Variants in ADGRL3 observed in about 807,000 individuals in gnomAD.
ADGRL3 encodes calcium-independent alpha-latrotoxin receptor 3.
ADGRL3 carries 62 observed loss-of-function variants against 153.5 expected under a neutral mutation model. That is an observed-to-expected ratio of 0.40 (90% CI 0.33 to 0.50). The LOEUF (loss-of-function observed/expected upper bound fraction) is 0.50. ADGRL3 is among the 20% of genes least tolerant of loss of function. The pLI is 0.47. For missense variants in ADGRL3, 1,641 were observed against 1,859.4 expected (o/e 0.88, Z 2.16); for synonymous variants, 710 against 672.5 (o/e 1.06, Z -0.86).
chr4:61,735,928 G>A (rs933326158), intron 8 of ADGRL3, among the ~76,000 whole-genome samples: 1 of 151,916 alleles, frequency 6.6e-6, no homozygotes, highest in Non-Finnish European at 1.5e-5. Context: ...TGTCTTTAAC[G>A]AATAAGATGG....
chr4:61,969,472 T>C (rs1000888486), intron 17 of ADGRL3, among the ~76,000 whole-genome samples: 3 of 152,136 alleles, frequency 2.0e-5, no homozygotes, highest in Admixed American at 6.6e-5. Context: ...TCTAGATCCA[T>C]GGATCGTTCT....
At chr4:61,725,456 G>A (rs1052635886) in intron 6 of ADGRL3, among the ~76,000 whole-genome samples, 1 of 151,936 alleles carries the variant, frequency 6.6e-6, no homozygotes, top group African/African-American at 2.4e-5. Context: ...TTAGCCAGGC[G>A]TGGTGGCAGG....
intron 6 of ADGRL3, among the ~76,000 whole-genome samples, chr4:61,692,252 A>T (rs1380916751): frequency 6.6e-6 from 1 of 152,122 alleles, no homozygotes; most frequent in African/African-American, 2.4e-5. Flanking sequence ...CATAAGGAAC[A>T]TAGAAAAAGA....
Position 61,627,638 on chromosome 4 carries a change from TAAAG to T in ADGRL3, c.473+40202_473+40205del, listed in dbSNP as rs1255574336. On this transcript the variant is annotated intron_variant, in intron 5 of 26. Transcript: ENST00000683033. ...TCAATCTAAAAAACAAACAAACAAA[TAAAG>T]AAACACAAACAAACAAAAAAGTAAA... is the stretch of plus-strand genomic sequence containing the variant. Among the ~76,000 whole-genome samples, 22 of 150,146 alleles carry T rather than the reference TAAAG, an allele frequency of 1.5e-4. 1 individual carries two copies. The highest frequency in any genetic ancestry group is 5.5e-4 in the African/African-American group (22 of 39,874).
At chr4:61,984,284 A>G (rs1225292607) in intron 19 of ADGRL3, among the ~76,000 whole-genome samples, 1 of 152,192 alleles carries the variant, frequency 6.6e-6, no homozygotes, top group Non-Finnish European at 1.5e-5. Context: ...GAATAATCAT[A>G]TTTAGAACTA....
intron 2 of ADGRL3, among the ~76,000 whole-genome samples, chr4:61,487,209 C>T (rs1054263437): frequency 6.6e-6 from 1 of 152,100 alleles, no homozygotes; most frequent in Non-Finnish European, 1.5e-5. Flanking sequence ...AAAACACAAA[C>T]CTTGGGTCTA....
intron 1 of ADGRL3, among the ~76,000 whole-genome samples, chr4:61,292,985 C>T (rs2094280592): frequency 6.6e-6 from 1 of 152,124 alleles, no homozygotes; most frequent in Non-Finnish European, 1.5e-5. Context: ...AAAGGGATTT[C>T]ACAGACCATT....
chr4:61,693,404 A>G (rs1198131172), intron 6 of ADGRL3, among the ~76,000 whole-genome samples: 3 of 152,096 alleles, frequency 2.0e-5, no homozygotes, highest in Middle Eastern at 3.2e-3. Flanking sequence ...ACAGCATGCC[A>G]GAACTCTAAC....
At chr4:61,235,801 T>C (rs1426784927) in intron 1 of ADGRL3, among the ~76,000 whole-genome samples, 2 of 152,146 alleles carry the variant, frequency 1.3e-5, no homozygotes, top group African/African-American at 4.8e-5. Flanking sequence ...TTGACTTCTC[T>C]GAAGCCAGCT....
At chr4:61,776,406 A>C (rs955364115) in intron 8 of ADGRL3, among the ~76,000 whole-genome samples, 1 of 152,114 alleles carries the variant, frequency 6.6e-6, no homozygotes, top group Non-Finnish European at 1.5e-5. Context: ...AAGATTTATA[A>C]AAGTTTTAAA....
chr4:61,470,622 A>T (rs574794312), intron 2 of ADGRL3, among the ~76,000 whole-genome samples: 10 of 152,080 alleles, frequency 6.6e-5, no homozygotes, highest in Non-Finnish European at 1.5e-4. Context: ...TTTCTATATT[A>T]AAAGGTAGTA....
intron 21 of ADGRL3, among the ~76,000 whole-genome samples, chr4:62,003,652 C>A (rs777543918): frequency 6.6e-6 from 1 of 152,072 alleles, no homozygotes; most frequent in East Asian, 1.9e-4. Flanking sequence ...ATGGAAATGC[C>A]CTGCTGCCTT....
Position 61,919,582 on chromosome 4 carries a change from G to T in ADGRL3, c.2112+6825G>T, listed in dbSNP as rs115294176. ...TTTCTATAAGTTGTAGACATTAAAC[G>T]CTACTACATACAAAGCAATCATTGA... On this transcript the variant is annotated intron_variant, in intron 13 of 26. Transcript: ENST00000683033. Among the ~76,000 whole-genome samples, 72 of 152,188 alleles carry T rather than the reference G, an allele frequency of 4.7e-4. No individual in the cohort carries two copies. In the Middle Eastern group the frequency reaches 0.01, roughly 22 times the overall value.
chr4:61,979,676 C>G lies in ADGRL3; in HGVS notation c.2919C>G (p.Leu973=). Residue 973 remains leucine, a synonymous_variant, in exon 18 of 27, where the codon CTC becomes CTG. Transcript: ENST00000683033. Reference sequence around the variant, plus strand: ...TCACATTTTGCTTTTTCCGGGGGCTCCAGAGTGACCGTAACACCATCCACA... The same window carrying G: ...TCACATTTTGCTTTTTCCGGGGGCTGCAGAGTGACCGTAACACCATCCACA... ...CIFTFCFFRG[L]QSDRNTIHKN... The G allele has an allele frequency of 6.2e-7, 1 of 1,613,808 alleles. No individual in the cohort carries two copies. Among genetic ancestry groups the G allele is most frequent in the Non-Finnish European group, 8.5e-7 (1 of 1,179,862 alleles).
chr4:61,255,489 T>C (rs575445389), intron 1 of ADGRL3, among the ~76,000 whole-genome samples: 1 of 152,322 alleles, frequency 6.6e-6, no homozygotes, highest in African/African-American at 2.4e-5. Context: ...AAGCTATACA[T>C]GTCTGATATG....
At chr4:61,964,402 A>C (rs2098998733) in intron 17 of ADGRL3, among the ~76,000 whole-genome samples, 1 of 152,206 alleles carries the variant, frequency 6.6e-6, no homozygotes. Context: ...CACATGATTG[A>C]GATTCTAATA....
At chr4:61,738,642 G>T (rs111663874) in intron 8 of ADGRL3, among the ~76,000 whole-genome samples, 5 of 151,932 alleles carry the variant, frequency 3.3e-5, no homozygotes, top group African/African-American at 1.2e-4. Context: ...ATTAATTCCA[G>T]TTCCTTACTT....
intron 2 of ADGRL3, 114 bp from the exon 3 acceptor site, chr4:61,497,007 T>A (rs2098327446): frequency 8.9e-6 from 3 of 335,878 alleles, no homozygotes; most frequent in Middle Eastern, 8.4e-4. Context: ...GTTTATTTCA[T>A]TAAGATCTGA....
chr4:62,045,481 C>T (rs1730622081), intron 25 of ADGRL3, among the ~76,000 whole-genome samples: 1 of 151,374 alleles, frequency 6.6e-6, no homozygotes, highest in African/African-American at 2.4e-5. Context: ...TTGTTTTTAC[C>T]TTATTTCTGT....
Sources: allele counts gnomAD v4.1 joint callset (sites outside exome capture counted in the v4.1 genomes callset), GRCh38; gene constraint gnomAD v4.1.1; transcripts MANE v1.5; gene names NCBI Gene and HGNC (gene_info 2026-07-23, HGNC 2026-07-21).